The following SINHCAF variants were observed in gnomAD, a reference collection of about 807,000 sequenced individuals.
SINHCAF encodes the protein SIN3-HDAC complex associated factor.
Under a neutral mutation model 25.8 loss-of-function variants are expected in SINHCAF, and 3 were observed. The observed-to-expected ratio is 0.12, with a 90% CI of 0.05 to 0.30. SINHCAF has a LOEUF of 0.30. Among genes scored for constraint, SINHCAF ranks in the 10% least tolerant of loss-of-function variants. SINHCAF has a pLI of 1.00. For missense variants in SINHCAF, 121 were observed against 262.3 expected (o/e 0.46, Z 3.72); for synonymous variants, 70 against 85.5 (o/e 0.82, Z 1.00).
rs1366053329 is a variant in SINHCAF at position 31,281,137 on chromosome 12, C to G, written c.*1575G>C. 1.3e-5 allele frequency: 2 copies of G among 152,194 alleles called. No individual in the cohort carries two copies. The highest frequency in any genetic ancestry group is 4.8e-5 in the African/African-American group (2 of 41,446). The allele number at this position is 152,194 out of a possible 1,614,324, so 9.4% of individuals were successfully genotyped here. A position where few individuals can be genotyped will look rare whatever the true frequency, so the allele number is the denominator to read the frequency against. ...AAATAAGCACTGAGTCTTGTTATTA[C>G]AAGGCAGGCAAATGTTTCTCCCTCA... On this transcript the variant is annotated 3_prime_UTR_variant, in exon 6 of 6. Coordinates refer to ENST00000337682, the MANE Select transcript of SINHCAF (RefSeq NM_001135812.2).
chr12:31,319,377 A>T (rs1411677183), intron 1 of SINHCAF, among the ~76,000 whole-genome samples: 1 of 152,068 alleles, frequency 6.6e-6, no homozygotes, highest in African/African-American at 2.4e-5. Context: ...AAATACAAAA[A>T]ATTAGCCCAG....
intron 1 of SINHCAF, among the ~76,000 whole-genome samples, chr12:31,323,577 G>A (rs997098769): frequency 2.0e-5 from 3 of 152,072 alleles, no homozygotes; most frequent in Non-Finnish European, 2.9e-5. Flanking sequence ...GTTACAGGAA[G>A]AAAATAAAAA....
At chr12:31,302,750 G>T (rs1254658918) in intron 1 of SINHCAF, among the ~76,000 whole-genome samples, 1 of 151,840 alleles carries the variant, frequency 6.6e-6, no homozygotes, top group African/African-American at 2.4e-5. Context: ...TGGCTGAGCG[G>T]GTAGGAGAGA....
chr12:31,293,877 C>T lies in SINHCAF; in HGVS notation c.283G>A (p.Val95Met). ...ATCCTGTTCCCAGATAGAGTTTTCA[C>T]TTTCTTTGGTTTCAATGTAGTCTTT... is the stretch of plus-strand genomic sequence containing the variant. ...SLKTTLKPKK[V>M]KTLSGNRIKS... is the part of the protein sequence containing the mutation. Residue 95 changes from valine (V) to methionine (M), a missense_variant, in exon 4 of 6, where the codon GTG becomes ATG. Coordinates refer to ENST00000337682, the MANE Select transcript of SINHCAF (RefSeq NM_001135812.2). 1 of 1,613,524 alleles carries T rather than the reference C, an allele frequency of 6.2e-7. No individual in the cohort carries two copies. The highest frequency in any genetic ancestry group is 1.1e-5 in the South Asian group (1 of 91,036).
chr12:31,289,335 A>G (rs1938210096), intron 4 of SINHCAF, among the ~76,000 whole-genome samples: 1 of 152,200 alleles, frequency 6.6e-6, no homozygotes, highest in African/African-American at 2.4e-5. Flanking sequence ...AATAAACCCA[A>G]AGAAATCCAT....
intron 3 of SINHCAF, among the ~76,000 whole-genome samples, chr12:31,295,000 G>C (rs188536249): frequency 1.3e-3 from 199 of 152,244 alleles, no homozygotes; most frequent in African/African-American, 4.5e-3. Context: ...TGCTTACTGT[G>C]AATCTCCAGA....
chr12:31,303,110 G>A (rs1404896567), intron 1 of SINHCAF: 3 of 985,190 alleles, frequency 3.0e-6, no homozygotes, highest in East Asian at 2.3e-4. Context: ...GTTAAAACAT[G>A]CCTATTTATG....
intron 1 of SINHCAF, among the ~76,000 whole-genome samples, chr12:31,315,888 G>C (rs760506473): frequency 6.6e-6 from 1 of 152,112 alleles, no homozygotes; most frequent in Non-Finnish European, 1.5e-5. Flanking sequence ...AACCATGGCC[G>C]GGCGTGGTGG....
intron 1 of SINHCAF, chr12:31,304,883 A>T (rs1048711706): frequency 1.3e-5 from 2 of 152,168 alleles, no homozygotes; most frequent in African/African-American, 4.8e-5. Context: ...AGAAACATTA[A>T]CCAGGTTATA....
intron 4 of SINHCAF, among the ~76,000 whole-genome samples, chr12:31,291,018 C>T (rs1200768742): frequency 1.3e-5 from 2 of 152,086 alleles, no homozygotes; most frequent in African/African-American, 4.8e-5. Context: ...CATGCCCAGC[C>T]CAAACTGCAA....
chr12:31,306,899 C>A (rs1027369742), intron 1 of SINHCAF, among the ~76,000 whole-genome samples: 7 of 152,316 alleles, frequency 4.6e-5, no homozygotes, highest in African/African-American at 1.4e-4. Context: ...GCCAGTTGGG[C>A]TGACTTAGCC....
rs765491453 is a variant in SINHCAF, at chr12:31,325,227, G to C, written c.-21+797C>G. ...CACCTACGCTACAGGTGAACGCACCGGGAGCAAAACTTCGGGCTCCGAAAG... is the reference window on the plus strand; with the variant it reads ...CACCTACGCTACAGGTGAACGCACCCGGAGCAAAACTTCGGGCTCCGAAAG... On this transcript the variant is annotated intron_variant, in intron 1 of 5. Transcript: ENST00000337682. This position sits in a 1 kb window ranked among gnomAD's most constrained non-coding sequence, Gnocchi z 5.9. The C allele has an allele frequency of 2.6e-5, 12 of 456,676 alleles. No homozygotes were observed. The highest frequency in any genetic ancestry group is 4.8e-5 in the Non-Finnish European group (11 of 226,994). 28.3% of individuals were successfully genotyped at this position (456,676 alleles called of 1,614,324 possible).
In SINHCAF at chr12:31,281,381, A is replaced by G. The variant is rs1352153860; in HGVS notation, c.*1331T>C. 1 of 152,220 alleles carries G rather than the reference A, an allele frequency of 6.6e-6. No individual in the cohort carries two copies. Among genetic ancestry groups the G allele is most frequent in the Non-Finnish European group, 1.5e-5 (1 of 68,034 alleles). The allele number at this position is 152,220 out of a possible 1,614,324, so 9.4% of individuals were successfully genotyped here. ...AACCTCTTTTCTTTTAGTAAGTTTT[A>G]CTTTTAATACAGAGTGAAAGAAAAT... On this transcript the variant is annotated 3_prime_UTR_variant, in exon 6 of 6. Transcript: ENST00000337682.
chr12:31,313,181 CG>C (rs1939347265), intron 1 of SINHCAF, among the ~76,000 whole-genome samples: 1 of 151,970 alleles, frequency 6.6e-6, no homozygotes, highest in South Asian at 2.1e-4. Context: ...CCCGCCACCA[CG>C]CCCAGCTATT....
chr12:31,293,370 G>C (rs1023946887), intron 4 of SINHCAF, among the ~76,000 whole-genome samples: 2 of 152,098 alleles, frequency 1.3e-5, no homozygotes, highest in African/African-American at 4.8e-5. Context: ...CAAGCCCTGA[G>C]GTTGGCTGAA....
chr12:31,299,786 G>A (rs1938711918), intron 1 of SINHCAF, among the ~76,000 whole-genome samples: 1 of 152,126 alleles, frequency 6.6e-6, no homozygotes, highest in Non-Finnish European at 1.5e-5. Context: ...GCATCATTGG[G>A]CATCCTTGTG....
At chr12:31,314,577 C>A (rs1183203972) in intron 1 of SINHCAF, among the ~76,000 whole-genome samples, 1 of 151,524 alleles carries the variant, frequency 6.6e-6, no homozygotes, top group African/African-American at 2.4e-5. Flanking sequence ...GTGAAGGAGG[C>A]CCAAAGAGAG....
chr12:31,315,205 A>C (rs1337819265), intron 1 of SINHCAF, among the ~76,000 whole-genome samples: 1 of 152,206 alleles, frequency 6.6e-6, no homozygotes, highest in Non-Finnish European at 1.5e-5. Context: ...TTTGGTTCAT[A>C]TTCAGTGATG....
intron 1 of SINHCAF, among the ~76,000 whole-genome samples, chr12:31,307,802 G>T (rs1163377378): frequency 1.3e-5 from 2 of 152,068 alleles, no homozygotes; most frequent in East Asian, 1.9e-4. Flanking sequence ...CATACAAGGG[G>T]GCCATCCTCG....
Sources: gnomAD v4.1 joint callset for allele counts (sites outside exome capture counted in the v4.1 genomes callset) on GRCh38, gnomAD v4.1.1 for gene constraint, Gnocchi (gnomAD v3.1) non-coding constraint, MANE v1.5 for transcripts, NCBI Gene and HGNC (gene_info 2026-07-23, HGNC 2026-07-21) for gene names.